The following MME variants were observed in gnomAD, a reference collection of about 807,000 sequenced individuals.
MME encodes the protein membrane metalloendopeptidase.
Under a neutral mutation model 113.2 loss-of-function variants are expected in MME, and 98 were observed. That is an observed-to-expected ratio of 0.87 (90% CI 0.74 to 1.02). The LOEUF (loss-of-function observed/expected upper bound fraction) is 1.02. Among genes scored for constraint, MME ranks in the 50% least tolerant of loss-of-function variants. The pLI is 0.00. For missense variants in MME, 836 were observed against 896.0 expected (o/e 0.93, Z 0.86); for synonymous variants, 292 against 300.6 (o/e 0.97, Z 0.30).
intron 14 of MME, among the ~76,000 whole-genome samples, chr3:155,146,723 A>C (rs1339165856): frequency 2.0e-5 from 3 of 152,118 alleles, no homozygotes; most frequent in Admixed American, 2.0e-4. Context: ...GTAAACCTAT[A>C]AGCCCATATC....
At chr3:155,050,999 G>A (rs1470540382) in intron 1 of MME, among the ~76,000 whole-genome samples, 5 of 152,146 alleles carry the variant, frequency 3.3e-5, no homozygotes, top group Admixed American at 1.3e-4. Flanking sequence ...TGTTTGAGCT[G>A]AGGATATTTC....
At chr3:155,042,326 A>G (rs1713349187) in intron 1 of MME, among the ~76,000 whole-genome samples, 3 of 152,146 alleles carry the variant, frequency 2.0e-5, no homozygotes, top group African/African-American at 7.2e-5. Flanking sequence ...AGTGATATGG[A>G]CCCACAATTT....
rs58195035 is a variant in MME, at chr3:155,092,655, C to T, written c.196+7561C>T. Among the ~76,000 whole-genome samples, 483 of 152,182 alleles carry T rather than the reference C, an allele frequency of 3.2e-3. 4 individuals carry two copies. The highest frequency in any genetic ancestry group is 0.011 in the African/African-American group (454 of 41,538). On this transcript the variant is annotated intron_variant, in intron 3 of 22. Coordinates refer to ENST00000360490, the MANE Select transcript of MME (RefSeq NM_007289.4). The stretch of plus-strand genomic sequence containing the variant: ...CAAAATGCCATATAGCTATAAACTA[C>T]GATACCACACAGCAATAAAAAGGAG...
Position 155,116,465 on chromosome 3 carries a change from A to C in MME, c.359-14A>C. ...CAATTATGTTGATGCATTTTATTAA[A>C]TGTCCTATTTCAGATGTCCTTCAAG... On this transcript the variant is annotated splice_polypyrimidine_tract_variant and intron_variant, in intron 4 of 22. Coordinates refer to ENST00000360490, the MANE Select transcript of MME (RefSeq NM_007289.4). The C allele has an allele frequency of 1.3e-6, 2 of 1,571,796 alleles. No homozygotes were observed. Among genetic ancestry groups the C allele is most frequent in the Non-Finnish European group, 1.8e-6 (2 of 1,141,844 alleles).
At chr3:155,117,177 C>T (rs1162058517) in intron 7 of MME, among the ~76,000 whole-genome samples, 191 bp downstream of exon 7, 1 of 152,100 alleles carries the variant, frequency 6.6e-6, no homozygotes, top group Non-Finnish European at 1.5e-5. Context: ...ATGCTGTTTT[C>T]GACATTCACC....
chr3:155,037,921 T>C (rs1353180137), intron 1 of MME, among the ~76,000 whole-genome samples: 1 of 152,100 alleles, frequency 6.6e-6, no homozygotes, highest in Non-Finnish European at 1.5e-5. Context: ...TACACCACTC[T>C]TTAGCTGCGT....
chr3:155,088,254 C>A (rs61762345), intron 3 of MME, among the ~76,000 whole-genome samples: 56 of 152,046 alleles, frequency 3.7e-4, no homozygotes, highest in Non-Finnish European at 1.5e-4. Flanking sequence ...GTTAGGAAAT[C>A]TTTTCTGCCA....
chr3:155,043,429 T>A (rs1713430169), intron 1 of MME, among the ~76,000 whole-genome samples: 1 of 151,946 alleles, frequency 6.6e-6, no homozygotes, highest in South Asian at 2.1e-4. Flanking sequence ...CCTCCCAGGT[T>A]CAAGCGATTC....
intron 3 of MME, among the ~76,000 whole-genome samples, chr3:155,098,257 T>TA (rs1163275491): frequency 6.6e-6 from 1 of 151,728 alleles, no homozygotes; most frequent in Non-Finnish European, 1.5e-5. Context: ...AAAAGTAAAG[T>TA]AAAAAATAGA....
At chr3:155,147,430 T>C (rs1049470116) in intron 15 of MME, among the ~76,000 whole-genome samples, 1 of 152,192 alleles carries the variant, frequency 6.6e-6, no homozygotes, top group Non-Finnish European at 1.5e-5. Context: ...TATTGTTCAT[T>C]TGGTTTCCAT....
intron 1 of MME, among the ~76,000 whole-genome samples, chr3:155,057,489 T>C (rs1713973834): frequency 6.6e-6 from 1 of 152,056 alleles, no homozygotes; most frequent in Admixed American, 6.6e-5. Flanking sequence ...TCCTTTATAC[T>C]AGATCTCTAA....
intron 1 of MME, among the ~76,000 whole-genome samples, chr3:155,045,024 G>A (rs1359191967): frequency 6.6e-6 from 1 of 151,632 alleles, no homozygotes; most frequent in Non-Finnish European, 1.5e-5. Flanking sequence ...TCTGTTCACT[G>A]AGATACTTTA....
At chr3:155,037,673 G>A (rs2108117884) in intron 1 of MME, among the ~76,000 whole-genome samples, 1 of 152,276 alleles carries the variant, frequency 6.6e-6, no homozygotes, top group Non-Finnish European at 1.5e-5. Flanking sequence ...ACAACCGTGA[G>A]AAGGAATTGT....
chr3:155,076,693 A>G (rs984385124), upstream of MME, among the ~76,000 whole-genome samples: 2 of 152,204 alleles, frequency 1.3e-5, no homozygotes, highest in Non-Finnish European at 2.9e-5. Context: ...GTAAACTTAC[A>G]GTTATTTCTT....
At chr3:155,112,160 C>T (rs1483840621) in intron 3 of MME, 1 of 152,118 alleles carries the variant, frequency 6.6e-6, no homozygotes. Flanking sequence ...TATGCATTTT[C>T]TATTTTCACA....
chr3:155,172,152 A>C lies in MME; in HGVS notation c.2016A>C (p.Glu672Asp), dbSNP rs1397705659. 1.2e-6 allele frequency: 2 copies of C among 1,611,412 alleles called. No individual in the cohort carries two copies. Among genetic ancestry groups the C allele is most frequent in the Non-Finnish European group, 1.7e-6 (2 of 1,177,950 alleles). Residue 672 changes from glutamate to aspartate, a missense_variant, in exon 21 of 23, where the codon GAA (glutamate) becomes GAC (aspartate). Glu to Asp is a conservative substitution (Grantham distance 45). Transcript: ENST00000360490. ...ATTATATTAAAAAGAATGGCGAAGAAAAATTACTTCCTGGACTTGACCTAA... is the reference window on the plus strand; with the variant it reads ...ATTATATTAAAAAGAATGGCGAAGACAAATTACTTCCTGGACTTGACCTAA... ...YQNYIKKNGE[E>D]KLLPGLDLNH...
At chr3:155,095,037 G>A (rs1235131469) in intron 3 of MME, among the ~76,000 whole-genome samples, 1 of 152,284 alleles carries the variant, frequency 6.6e-6, no homozygotes, top group Middle Eastern at 3.4e-3. Context: ...GCAAAATAAG[G>A]TTGAGAAGCA....
At chr3:155,091,704 C>T (rs1275205283) in intron 3 of MME, among the ~76,000 whole-genome samples, 1 of 152,020 alleles carries the variant, frequency 6.6e-6, no homozygotes, top group African/African-American at 2.4e-5. Context: ...ATATGAAGCT[C>T]AAGTTGATAA....
At chr3:155,085,124 A>T (rs764896118) in intron 3 of MME, 30 bp downstream of exon 3, 1 of 1,414,754 alleles carries the variant, frequency 7.1e-7, no homozygotes. Context: ...TGTAATAGTT[A>T]TACAACTGAT....
Sources: gnomAD v4.1 joint callset for allele counts (sites outside exome capture counted in the v4.1 genomes callset) on GRCh38, gnomAD v4.1.1 for gene constraint, MANE v1.5 for transcripts, NCBI Gene and HGNC (gene_info 2026-07-23, HGNC 2026-07-21) for gene names.